GNAS: variants seen among roughly 807,000 people sequenced by gnomAD.
GNAS encodes protein ALEX.
In GNAS, 8 loss-of-function variants were observed where a neutral mutation model predicts 54.5. The observed-to-expected ratio is 0.15, with a 90% CI of 0.09 to 0.26. The LOEUF is 0.26. GNAS is among the 10% of genes least tolerant of loss of function. GNAS has a pLI of 1.00. For synonymous variants in GNAS, 204 were observed against 191.4 expected, an observed-to-expected ratio of 1.07 and a Z score of -0.54; for missense variants, 170 against 529.8, an observed-to-expected ratio of 0.32 and a Z score of 6.67.
chr20:58,872,537 T>C (rs564413871), intron 1 of GNAS, among the ~76,000 whole-genome samples: 1 of 152,284 alleles, frequency 6.6e-6, no homozygotes, highest in African/African-American at 2.4e-5. Flanking sequence ...ATTGTTTTCT[T>C]TTTTTCTTTT....
chr20:58,860,013 C>T lies in GNAS; in HGVS notation c.43+19127C>T, dbSNP rs144519400. ...TGCTTACCAGAAATGTGATGATAAGCTATAAAGCATTATTTAAATGTAAAG... is the reference window on the plus strand; with the variant it reads ...TGCTTACCAGAAATGTGATGATAAGTTATAAAGCATTATTTAAATGTAAAG... On this transcript the variant is annotated intron_variant, in intron 1 of 12. Coordinates refer to the GNAS transcript ENST00000306090. 1.2e-3 allele frequency among the ~76,000 whole-genome samples: 183 copies of T among 152,296 alleles called. 1 individual carries two copies. The Middle Eastern group carries it at 0.014, about 11-fold the overall frequency.
intron 1 of GNAS, among the ~76,000 whole-genome samples, chr20:58,846,942 T>C (rs2085963107): frequency 6.6e-6 from 1 of 152,206 alleles, no homozygotes; most frequent in Non-Finnish European, 1.5e-5. Flanking sequence ...CCCCCACTTT[T>C]GCCTCTCTCT....
At chr20:58,840,521 A>T (rs1262623594), upstream of GNAS, 1 of 1,613,448 alleles carries the variant, frequency 6.2e-7, no homozygotes, top group Non-Finnish European at 8.5e-7. This position sits in a 1 kb window ranked among gnomAD's most constrained non-coding sequence, Gnocchi z 6.0. Context: ...TGAGCCCGAG[A>T]CCGAGCCTGA....
At chr20:58,887,957 TC>T (rs1241776592), upstream of GNAS, among the ~76,000 whole-genome samples, 2 of 152,348 alleles carry the variant, frequency 1.3e-5, no homozygotes, top group Non-Finnish European at 1.5e-5. Flanking sequence ...GGGGGGAATT[TC>T]AGTCATCCGG....
Position 58,841,100 on chromosome 20 carries a change from C to T in GNAS, c.43+214C>T, listed in dbSNP as rs1293420324. Among the ~76,000 whole-genome samples, 1 of 152,048 alleles carries T rather than the reference C, an allele frequency of 6.6e-6. No homozygotes were observed. The highest frequency in any genetic ancestry group is 2.4e-5 in the African/African-American group (1 of 41,428). On this transcript the variant is annotated intron_variant, in intron 1 of 12. Coordinates refer to the GNAS transcript ENST00000306090. This position sits in a 1 kb window ranked among gnomAD's most constrained non-coding sequence, Gnocchi z 5.0. Reference sequence around the variant, plus strand: ...CCCTGGTGGCCAAAGGCTTGTTGGACGGCGGGGCGCACGCCGTGCGTCCCG... The same window carrying T: ...CCCTGGTGGCCAAAGGCTTGTTGGATGGCGGGGCGCACGCCGTGCGTCCCG...
intron 1 of GNAS, among the ~76,000 whole-genome samples, chr20:58,879,649 A>G (rs2088090821): frequency 6.6e-6 from 1 of 152,160 alleles, no homozygotes; most frequent in African/African-American, 2.4e-5. Context: ...GTACACACAA[A>G]CAAGGTGTGG....
chr20:58,890,391 G>A (rs1358632234), upstream of GNAS, among the ~76,000 whole-genome samples: 1 of 151,642 alleles, frequency 6.6e-6, no homozygotes, highest in Non-Finnish European at 1.5e-5. Context: ...CGACGAGGAC[G>A]ACGCCTACTA....
At chr20:58,882,111 C>G (rs78605118) in intron 1 of GNAS, among the ~76,000 whole-genome samples, 1 of 152,204 alleles carries the variant, frequency 6.6e-6, no homozygotes, top group Admixed American at 6.5e-5. Flanking sequence ...GTTTGTCGCC[C>G]AGGCTGGAGT....
At chr20:58,852,526 A>G (rs1047772355) in intron 1 of GNAS, among the ~76,000 whole-genome samples, 10 of 151,984 alleles carry the variant, frequency 6.6e-5, no homozygotes. Context: ...GCTGGGGGCT[A>G]TGACTCAGAG....
chr20:58,888,192 T>C (rs1398134926), upstream of GNAS, among the ~76,000 whole-genome samples: 1 of 152,178 alleles, frequency 6.6e-6, no homozygotes, highest in Non-Finnish European at 1.5e-5. Flanking sequence ...TTTGTGGACT[T>C]TGCATATCTG....
Position 58,855,552 on chromosome 20 carries a change from A to G in GNAS, c.43+14666A>G, listed in dbSNP as rs756257959. 2.2e-5 allele frequency: 16 copies of G among 718,714 alleles called. No homozygotes were observed. Among genetic ancestry groups the G allele is most frequent in the Non-Finnish European group, 3.6e-5 (14 of 386,418 alleles). 44.5% of individuals were successfully genotyped at this position (718,714 alleles called of 1,614,324 possible). On this transcript the variant is annotated intron_variant, in intron 1 of 12. Coordinates refer to the GNAS transcript ENST00000306090. ...CGGGTGGCCGAAGTATATGCCCTCC[A>G]GGGAGAAAAGTGGTGCCGAGCGACA...
intron 1 of GNAS, chr20:58,844,049 G>A (rs1290149547): frequency 2.0e-5 from 3 of 152,182 alleles, no homozygotes. Context: ...AGGTTAAGGA[G>A]GAAGAAAGCT....
At chr20:58,900,042 T>G in intron 3 of GNAS, 1 of 705,866 alleles carries the variant, frequency 1.4e-6, no homozygotes, top group South Asian at 1.5e-5. Flanking sequence ...TCTTAGGAAC[T>G]TCTAATAAGA....
intron 3 of GNAS, chr20:58,903,256 A>G: frequency 1.8e-6 from 1 of 547,686 alleles, no homozygotes; most frequent in South Asian, 2.0e-5. Flanking sequence ...AAACCCATGA[A>G]AGATTAAATG....
At chr20:58,886,925 A>T (rs2088630220), upstream of GNAS, among the ~76,000 whole-genome samples, 1 of 152,250 alleles carries the variant, frequency 6.6e-6, no homozygotes, top group Non-Finnish European at 1.5e-5. Flanking sequence ...CACTTAAAAA[A>T]TTTTTGTTTT....
At chr20:58,874,713 A>C (rs943666042) in intron 1 of GNAS, among the ~76,000 whole-genome samples, 1 of 151,618 alleles carries the variant, frequency 6.6e-6, no homozygotes, top group African/African-American at 2.4e-5. Flanking sequence ...CCTGCCCTCT[A>C]TCTTTGCTGC....
At chr20:58,840,414 A>G (rs1388600196), upstream of GNAS, 4 of 1,613,564 alleles carry the variant, frequency 2.5e-6, no homozygotes, top group South Asian at 4.4e-5. The surrounding 1 kb of genome is among the most constrained non-coding windows in gnomAD (Gnocchi z 6.0). Context: ...TGCCTAGAGT[A>G]CGAGGAAGAG....
intron 1 of GNAS, among the ~76,000 whole-genome samples, chr20:58,845,302 C>A (rs2085904047): frequency 6.6e-6 from 1 of 152,198 alleles, no homozygotes; most frequent in South Asian, 2.1e-4. Context: ...TTGAGATAAA[C>A]CAGTTTTCTC....
At chr20:58,871,619 AAAAAAAAAAACAAACAAC>A (rs2087459352) in intron 1 of GNAS, among the ~76,000 whole-genome samples, 2 of 148,402 alleles carry the variant, frequency 1.3e-5, no homozygotes, top group Non-Finnish European at 3.0e-5. Flanking sequence ...CGTCGAAAAA[AAAAAAAAAAACAAACAAC>A]AAAAAAAAAA....
Sources: allele counts gnomAD v4.1 joint callset (sites outside exome capture counted in the v4.1 genomes callset), GRCh38; gene constraint gnomAD v4.1.1; non-coding constraint Gnocchi (gnomAD v3.1); transcripts MANE v1.5; gene names NCBI Gene and HGNC (gene_info 2026-07-23, HGNC 2026-07-21).